The following SPHK2 variants were observed in gnomAD, a reference collection of about 807,000 sequenced individuals.
SPHK2 encodes the protein sphingosine kinase 2.
In SPHK2, 18 loss-of-function variants were observed where a neutral mutation model predicts 32.3. That is an observed-to-expected ratio of 0.56 (90% CI 0.39 to 0.83). SPHK2 has a LOEUF of 0.83. Ranked by LOEUF, SPHK2 falls within the 40% of genes least tolerant of loss-of-function variation. The pLI, the probability that SPHK2 is intolerant of heterozygous loss-of-function variation, is 0.00. For synonymous variants in SPHK2, 462 were observed against 417.6 expected (o/e 1.11, Z -1.30); for missense variants, 850 against 908.7 (o/e 0.94, Z 0.83).
At position 48,627,554 on chromosome 19, in the gene SPHK2, C is replaced by T. The variant is rs1019205911; in HGVS notation, c.512-138C>T. On this transcript the variant is annotated intron_variant, in intron 3 of 6. Transcript: ENST00000245222. The stretch of plus-strand genomic sequence containing the variant: ...TAGGAGTTGGGGCAGGGCTGCATAC[C>T]TAGGCCTGGCCACATGAGAGCCAGC... 1.8e-5 allele frequency: 19 copies of T among 1,037,634 alleles called. No individual in the cohort carries two copies. The African/African-American group carries it at 2.6e-4, about 14-fold the overall frequency. 64.3% of individuals were successfully genotyped at this position (1,037,634 alleles called of 1,614,324 possible).
In SPHK2 at chr19:48,620,382, C is replaced by A; in HGVS notation, c.-113-20C>A. ...GCAGTTGGCTGTCAATGCTGCTCCT[C>A]ACTTACCTCTCCTCCACAGAGCTGA... On this transcript the variant is annotated intron_variant, in intron 1 of 6. Coordinates refer to ENST00000245222, the MANE Select transcript of SPHK2 (RefSeq NM_020126.5). 1 of 663,608 alleles carries A rather than the reference C, an allele frequency of 1.5e-6. No individual in the cohort carries two copies. Among genetic ancestry groups the A allele is most frequent in the Non-Finnish European group, 2.5e-6 (1 of 400,854 alleles). 41.1% of individuals were successfully genotyped at this position (663,608 alleles called of 1,614,324 possible). A position where few individuals can be genotyped will look rare whatever the true frequency, so the allele number is the denominator to read the frequency against.
At chr19:48,620,036 C>T (rs184250558) in intron 1 of SPHK2, among the ~76,000 whole-genome samples, 1 of 152,244 alleles carries the variant, frequency 6.6e-6, no homozygotes, top group African/African-American at 2.4e-5. Context: ...GTCATTTAAC[C>T]TCTCTGTGAT....
chr19:48,626,426 T>C (rs2029903872), intron 3 of SPHK2, 64 bp downstream of exon 3: 10 of 1,464,282 alleles, frequency 6.8e-6, no homozygotes, highest in Non-Finnish European at 9.0e-6. Context: ...ATTTCCTCCA[T>C]AGGCAGCTGT....
At position 48,629,326 on chromosome 19, in the gene SPHK2, C is replaced by T; in HGVS notation, c.1518C>T (p.Ala506=). ...GGCTCCCACTTCCCACCCCTGATGC[C>T]CGGGTAGGGGCCTCCACCTGCGGCC... ...SSGLPLPTPD[A]RVGASTCGPP... The change falls in exon 7 of 7, where the codon GCC becomes GCT. Residue 506 remains alanine, a synonymous_variant. Transcript: ENST00000245222. 6.2e-7 allele frequency: 1 copy of T among 1,613,266 alleles called. No individual in the cohort carries two copies.
rs748622477 is a variant in SPHK2, at chr19:48,627,793, C to T, written c.613C>T (p.Leu205Phe). ...CTGGCAGTGGTGTAAGAACCACGTG[C>T]TTCCCATGATCTCTGAAGCTGGGCT... ...LAWQWCKNHV[L>F]PMISEAGLSF... is the part of the protein sequence containing the mutation. The change falls in exon 4 of 7, where the codon CTT (leucine) becomes TTT (phenylalanine). Residue 205 changes from leucine (L) to phenylalanine (F), a missense_variant. Leu to Phe is a conservative substitution (Grantham distance 22). Transcript: ENST00000245222. The T allele has an allele frequency of 1.2e-6, 2 of 1,613,970 alleles. No homozygotes were observed. Among genetic ancestry groups the T allele is most frequent in the Non-Finnish European group, 1.7e-6 (2 of 1,179,942 alleles).
Position 48,629,111 on chromosome 19 carries a change from C to A in SPHK2, c.1303C>A (p.Pro435Thr), listed in dbSNP as rs1029947556. ...CCTGCCCCAGCCTGCCCTGGCCTCT[C>A]CTGGCTCGCCAGAACCCCTGCCCAT... The part of the protein sequence containing the change: ...LPLPQPALAS[P>T]GSPEPLPILS... Residue 435 changes from proline to threonine, a missense_variant, in exon 7 of 7, where the codon CCT becomes ACT. By Grantham distance (38) the Pro-to-Thr change is conservative. Transcript: ENST00000245222. 2 of 1,613,498 alleles carry A rather than the reference C, an allele frequency of 1.2e-6. No individual in the cohort carries two copies. Among genetic ancestry groups the A allele is most frequent in the African/African-American group, 1.3e-5 (1 of 75,046 alleles).
Position 48,630,128 on chromosome 19 carries a change from C to A in SPHK2, c.*355C>A. 1 of 1,257,388 alleles carries A rather than the reference C, an allele frequency of 8.0e-7. No individual in the cohort carries two copies. Among genetic ancestry groups the A allele is most frequent in the Non-Finnish European group, 1.0e-6 (1 of 999,562 alleles). 77.9% of individuals were successfully genotyped at this position (1,257,388 alleles called of 1,614,324 possible). A position where few individuals can be genotyped will look rare whatever the true frequency, so the allele number is the denominator to read the frequency against. Reference sequence around the variant, plus strand: ...TTTTACGCGTCGCCCAATGACAGGACCTGGAATGTACTGGCTGGGGTAGGC... The same window carrying A: ...TTTTACGCGTCGCCCAATGACAGGAACTGGAATGTACTGGCTGGGGTAGGC... On this transcript the variant is annotated 3_prime_UTR_variant, in exon 7 of 7. Coordinates refer to ENST00000245222, the MANE Select transcript of SPHK2 (RefSeq NM_020126.5). The surrounding 1 kb of genome is among the most constrained non-coding windows in gnomAD (Gnocchi z 4.9).
chr19:48,626,686 C>T (rs1471685631), intron 3 of SPHK2: 4 of 226,910 alleles, frequency 1.8e-5, no homozygotes, highest in South Asian at 7.8e-5. Flanking sequence ...TGTGGTGCTG[C>T]GCACCTGTAA....
intron 2 of SPHK2, 67 bp downstream of exon 2, chr19:48,620,620 A>T: frequency 3.0e-6 from 3 of 1,002,016 alleles, no homozygotes; most frequent in South Asian, 2.0e-5. Flanking sequence ...CTTTTCTTTA[A>T]AAAAAAAAAA....
chr19:48,629,651 C>A lies in SPHK2; in HGVS notation c.1843C>A (p.Pro615Thr), dbSNP rs1473378925. 1.2e-6 allele frequency: 2 copies of A among 1,603,738 alleles called. No individual in the cohort carries two copies. Among genetic ancestry groups the A allele is most frequent in the Non-Finnish European group, 1.7e-6 (2 of 1,176,052 alleles). Residue 615 changes from proline to threonine, a missense_variant, in exon 7 of 7, where the codon CCA (proline) becomes ACA (threonine). Pro to Thr is a conservative substitution (Grantham distance 38). Transcript: ENST00000245222. ...TGCCTTCCGCCTAGAGCCGCTCACA[C>A]CACGCGGCGTGCTCACAGTGGACGG... is the stretch of plus-strand genomic sequence containing the variant. ...ARAFRLEPLT[P>T]RGVLTVDGEQ...
In SPHK2 at chr19:48,624,837, G is replaced by T. The variant is rs551185654; in HGVS notation, c.40-1054G>T. 222 of 910,642 alleles carry T rather than the reference G, an allele frequency of 2.4e-4. 1 individual carries two copies. In the African/African-American group the frequency reaches 3.7e-3, roughly 15 times the overall value. The allele number at this position is 910,642 out of a possible 1,614,324, so 56.4% of individuals were successfully genotyped here. A position where few individuals can be genotyped will look rare whatever the true frequency, so the allele number is the denominator to read the frequency against. On this transcript the variant is annotated intron_variant, in intron 2 of 6. Transcript: ENST00000245222. ...CGAGAGAGCCGCTGGGGATAGGGGG[G>T]CAGATGTAGTTCCTAAGGGTGAGTC...
rs754979999 is a variant in SPHK2 at position 48,626,367 on chromosome 19, G to A, written c.511+5G>A. 1.1e-5 allele frequency: 18 copies of A among 1,567,766 alleles called. No homozygotes were observed. The highest frequency in any genetic ancestry group is 1.5e-5 in the Non-Finnish European group (17 of 1,166,878). ...TGCCACTGCCCGGGGATGGGGGTGA[G>A]GTGCTGGGCAGCTGCTCTATCCTGG... On this transcript the variant is annotated splice_donor_5th_base_variant and intron_variant, in intron 3 of 6. Coordinates refer to ENST00000245222, the MANE Select transcript of SPHK2 (RefSeq NM_020126.5).
chr19:48,630,065 T>C lies in SPHK2; in HGVS notation c.*292T>C. ...GGGCTCAGTCCTGACGCTTGCCACCTGCTCCTACCCGGCCAGGATGGCTGA... is the reference window on the plus strand; with the variant it reads ...GGGCTCAGTCCTGACGCTTGCCACCCGCTCCTACCCGGCCAGGATGGCTGA... On this transcript the variant is annotated 3_prime_UTR_variant, in exon 7 of 7. Coordinates refer to ENST00000245222, the MANE Select transcript of SPHK2 (RefSeq NM_020126.5). This position sits in a 1 kb window ranked among gnomAD's most constrained non-coding sequence, Gnocchi z 4.9. 3.9e-6 allele frequency: 5 copies of C among 1,287,432 alleles called. No individual in the cohort carries two copies. The highest frequency in any genetic ancestry group is 4.9e-6 in the Non-Finnish European group (5 of 1,018,078). 79.8% of individuals were successfully genotyped at this position (1,287,432 alleles called of 1,614,324 possible).
rs1199711528 is a variant in SPHK2, at chr19:48,629,847, G to A, written c.*74G>A. The A allele has an allele frequency of 2.1e-5, 31 of 1,487,058 alleles. No individual in the cohort carries two copies. Among genetic ancestry groups the A allele is most frequent in the Non-Finnish European group, 2.7e-5 (30 of 1,119,062 alleles). The allele number at this position is 1,487,058 out of a possible 1,614,324, so 92.1% of individuals were successfully genotyped here. ...GGGCGGAGCCTGAGCTAGGGGGTGT[G>A]GCCTGGCTGCTAGAGTTGTGGTGGC... On this transcript the variant is annotated 3_prime_UTR_variant, in exon 7 of 7. Transcript: ENST00000245222.
rs767439355 is a variant in SPHK2, at chr19:48,629,741, G to A, written c.1933G>A (p.Gly645Arg). ...CCCTGGCATCGGTACACTGCTCACT[G>A]GGCCTCCTGGCTGCCCGGGGCGGGA... ...MHPGIGTLLT[G>R]PPGCPGREP is the part of the protein sequence containing the mutation. Residue 645 changes from glycine to arginine, a missense_variant, in exon 7 of 7, where the codon GGG becomes AGG. Transcript: ENST00000245222. 4 of 1,589,278 alleles carry A rather than the reference G, an allele frequency of 2.5e-6. No homozygotes were observed. The highest frequency in any genetic ancestry group is 3.4e-6 in the Non-Finnish European group (4 of 1,164,836).
intron 1 of SPHK2, among the ~76,000 whole-genome samples, chr19:48,620,194 C>G (rs554165484): frequency 6.6e-6 from 1 of 152,114 alleles, no homozygotes; most frequent in Non-Finnish European, 1.5e-5. Context: ...AATAAGTGCT[C>G]AATAAAAATT....
intron 2 of SPHK2, chr19:48,623,881 C>CTGCTTT (rs1974501613): frequency 1.3e-5 from 2 of 152,266 alleles, no homozygotes; most frequent in Non-Finnish European, 2.9e-5. Context: ...CTCTGGGTCT[C>CTGCTTT]TCTGACTCTG....
Position 48,629,378 on chromosome 19 carries a change from G to A in SPHK2, c.1570G>A (p.Gly524Ser). The A allele has an allele frequency of 2.5e-6, 4 of 1,611,972 alleles. No individual in the cohort carries two copies. In the South Asian group the frequency reaches 4.4e-5, roughly 18 times the overall value. The stretch of plus-strand genomic sequence containing the variant: ...GCCCGACCACCTGCTGCCTCCGCTG[G>A]GCACCCCGCTGCCCCCAGACTGGGT... Reference protein sequence around the residue: ...GPPDHLLPPLGTPLPPDWVTL... With the variant: ...GPPDHLLPPLSTPLPPDWVTL... The change falls in exon 7 of 7, where the codon GGC becomes AGC. Residue 524 changes from glycine (G) to serine (S), a missense_variant. Physicochemically the swap from Gly to Ser is moderately conservative, Grantham distance 56 (BLOSUM62 0). Transcript: ENST00000245222.
chr19:48,625,445 G>C lies in SPHK2; in HGVS notation c.40-446G>C, dbSNP rs1974569306. ...TGTGTCTTTCAGTCTTTGCATGTCT[G>C]TTTCTGCATATCCAATCCCACTATC... On this transcript the variant is annotated intron_variant, in intron 2 of 6. Transcript: ENST00000245222. 1.5e-5 allele frequency: 18 copies of C among 1,192,578 alleles called. No homozygotes were observed. The South Asian group carries it at 2.3e-4, about 16-fold the overall frequency. 73.9% of individuals were successfully genotyped at this position (1,192,578 alleles called of 1,614,324 possible). A position where few individuals can be genotyped will look rare whatever the true frequency, so the allele number is the denominator to read the frequency against.
Sources: gnomAD v4.1 joint callset for allele counts (sites outside exome capture counted in the v4.1 genomes callset) on GRCh38, gnomAD v4.1.1 for gene constraint, Gnocchi (gnomAD v3.1) non-coding constraint, MANE v1.5 for transcripts, NCBI Gene and HGNC (gene_info 2026-07-23, HGNC 2026-07-21) for gene names.